PTGER3: variants seen among roughly 807,000 people sequenced by gnomAD.
PTGER3 encodes the protein prostaglandin E2 receptor EP3 subtype.
PTGER3 carries 22 observed loss-of-function variants against 34.7 expected under a neutral mutation model. The observed-to-expected ratio is 0.63, with a 90% CI of 0.45 to 0.91. The LOEUF is 0.91. Among genes scored for constraint, PTGER3 ranks in the 40% least tolerant of loss-of-function variants. The probability of loss-of-function intolerance (pLI) is 0.00; values close to 1 mark genes in which losing one functional copy is unlikely to be tolerated. For missense variants in PTGER3, 468 were observed against 519.4 expected, an observed-to-expected ratio of 0.90 and a Z score of 0.96; for synonymous variants, 241 against 230.1, an observed-to-expected ratio of 1.05 and a Z score of -0.43.
chr1:70,971,504 A>G lies in PTGER3; in HGVS notation c.*226T>C. The G allele has an allele frequency of 1.7e-6, 2 of 1,205,058 alleles. No individual in the cohort carries two copies. Among genetic ancestry groups the G allele is most frequent in the African/African-American group, 1.6e-5 (1 of 63,450 alleles). The allele number at this position is 1,205,058 out of a possible 1,614,324, so 74.6% of individuals were successfully genotyped here. Reference sequence around the variant, plus strand: ...AAATTCTTCCCAACTTCTTAAATGCATATTCAAAATCCCATCCAAGAAACC... The same window carrying G: ...AAATTCTTCCCAACTTCTTAAATGCGTATTCAAAATCCCATCCAAGAAACC... On this transcript the variant is annotated 3_prime_UTR_variant, in exon 4 of 4. Coordinates refer to ENST00000306666, the MANE Select transcript of PTGER3 (RefSeq NM_198719.2).
exon 5 of PTGER3, chr1:70,852,717 G>C: frequency 8.3e-7 from 1 of 1,202,594 alleles, no homozygotes; most frequent in Non-Finnish European, 1.2e-6. Flanking sequence ...TTTGGGGGTG[G>C]GCTTGGGGGA....
At chr1:70,861,861 T>C (rs1030269178) in intron 4 of PTGER3, among the ~76,000 whole-genome samples, 1 of 152,192 alleles carries the variant, frequency 6.6e-6, no homozygotes, top group Non-Finnish European at 1.5e-5. Context: ...TGGAACTCTT[T>C]GGCTGTTAAA....
At chr1:70,970,070 G>A (rs1428446780), downstream of PTGER3, among the ~76,000 whole-genome samples, 2 of 152,124 alleles carry the variant, frequency 1.3e-5, no homozygotes, top group Non-Finnish European at 2.9e-5. Context: ...ACTTTGTCTT[G>A]TAAACAGAAT....
intron 2 of PTGER3, among the ~76,000 whole-genome samples, chr1:70,964,020 T>A (rs1652246641): frequency 6.6e-6 from 1 of 152,184 alleles, no homozygotes. Context: ...GTCAGTCTCT[T>A]TGCTAAAGCA....
At chr1:71,037,721 A>G (rs1659966749) in intron 1 of PTGER3, among the ~76,000 whole-genome samples, 1 of 152,174 alleles carries the variant, frequency 6.6e-6, no homozygotes, top group South Asian at 2.1e-4. Flanking sequence ...TTAGAAAAGG[A>G]AAGTCCGGCA....
chr1:70,974,269 A>C, intron 3 of PTGER3, 28 bp downstream of exon 3: 1 of 1,611,900 alleles, frequency 6.2e-7, no homozygotes, highest in South Asian at 1.1e-5. Flanking sequence ...AGGCTATGCT[A>C]TAAATCCCGG....
chr1:70,992,537 G>T (rs550219838), intron 2 of PTGER3, among the ~76,000 whole-genome samples: 17 of 152,116 alleles, frequency 1.1e-4, no homozygotes, highest in Non-Finnish European at 2.1e-4. Context: ...AACTCCTTTT[G>T]ACTCAATGAT....
chr1:71,037,452 A>T (rs1557766317), intron 1 of PTGER3, among the ~76,000 whole-genome samples: 1 of 152,240 alleles, frequency 6.6e-6, no homozygotes, highest in Non-Finnish European at 1.5e-5. Context: ...GCTGACCACC[A>T]CTGTATTACC....
chr1:70,917,441 G>GTGTA (rs376536515), intron 4 of PTGER3, among the ~76,000 whole-genome samples: 8,285 of 137,388 alleles, frequency 0.06, 426 homozygotes, highest in East Asian at 0.16. Context: ...GTGTGTGTGT[G>GTGTA]TATACAATCA....
At chr1:71,019,683 A>G (rs1658228363) in intron 1 of PTGER3, among the ~76,000 whole-genome samples, 2 of 152,166 alleles carry the variant, frequency 1.3e-5, no homozygotes, top group Admixed American at 1.3e-4. Context: ...ATTTTATTCT[A>G]TTGCAGCAGG....
At chr1:71,029,959 T>TAATAATAATAAC (rs1020386414) in intron 1 of PTGER3, among the ~76,000 whole-genome samples, 78 of 131,420 alleles carry the variant, frequency 5.9e-4, no homozygotes, top group African/African-American at 2.1e-3. Context: ...ATAATAATAA[T>TAATAATAATAAC]AACAAAATAA....
chr1:71,025,131 C>CCCTTCCTTCCTT (rs3044608), intron 1 of PTGER3, among the ~76,000 whole-genome samples: 5,655 of 124,348 alleles, frequency 0.045, 228 homozygotes, highest in African/African-American at 0.11. Flanking sequence ...AGATTCCAGG[C>CCCTTCCTTCCTT]CCTTCCTTCC....
At chr1:70,911,008 A>C (rs150354187) in intron 4 of PTGER3, among the ~76,000 whole-genome samples, 1,744 of 151,970 alleles carry the variant, frequency 0.011, 32 homozygotes, top group African/African-American at 0.038. Flanking sequence ...TGAACCCGGG[A>C]GGCAGAGGTT....
intron 2 of PTGER3, among the ~76,000 whole-genome samples, chr1:70,954,025 T>C (rs1005472761): frequency 1.3e-5 from 2 of 152,162 alleles, no homozygotes; most frequent in African/African-American, 2.4e-5. Flanking sequence ...AAGCATCTCC[T>C]AGTCATAGGC....
intron 2 of PTGER3, among the ~76,000 whole-genome samples, chr1:70,999,062 C>T (rs1447142783): frequency 6.6e-6 from 1 of 152,100 alleles, no homozygotes; most frequent in Non-Finnish European, 1.5e-5. Flanking sequence ...CGCCTGTAGT[C>T]CCAGCTACTC....
At chr1:70,875,621 C>A (rs1335683543) in intron 4 of PTGER3, among the ~76,000 whole-genome samples, 1 of 152,126 alleles carries the variant, frequency 6.6e-6, no homozygotes, top group East Asian at 1.9e-4. Context: ...TCTCCTTCCT[C>A]CCACCCTCCA....
intron 4 of PTGER3, among the ~76,000 whole-genome samples, chr1:70,928,543 G>A (rs1459677766): frequency 1.3e-5 from 2 of 152,078 alleles, no homozygotes; most frequent in Non-Finnish European, 1.5e-5. Context: ...TAAGGTTGGA[G>A]GATCACTTGA....
intron 3 of PTGER3, among the ~76,000 whole-genome samples, chr1:70,972,811 A>T (rs550784427): frequency 2.4e-4 from 36 of 152,248 alleles, no homozygotes; most frequent in African/African-American, 4.1e-4. Flanking sequence ...AAACAAAATT[A>T]AAAAACTGCA....
At chr1:70,886,946 G>A (rs1050939689) in intron 4 of PTGER3, among the ~76,000 whole-genome samples, 6 of 152,170 alleles carry the variant, frequency 3.9e-5, no homozygotes, top group Non-Finnish European at 5.9e-5. Context: ...GGAAGAATAA[G>A]TTAACACTAG....
Sources: gnomAD v4.1 joint callset for allele counts (sites outside exome capture counted in the v4.1 genomes callset) on GRCh38, gnomAD v4.1.1 for gene constraint, MANE v1.5 for transcripts, NCBI Gene and HGNC (gene_info 2026-07-23, HGNC 2026-07-21) for gene names.